The following SLC49A4 variants were observed in gnomAD, a reference collection of about 807,000 sequenced individuals.
SLC49A4 encodes the protein disrupted in renal cancer protein 2.
In SLC49A4, 36 loss-of-function variants were observed where a neutral mutation model predicts 50.6. That is an observed-to-expected ratio of 0.71 (90% CI 0.55 to 0.94). SLC49A4 has a LOEUF of 0.94. Among genes scored for constraint, SLC49A4 ranks in the 40% least tolerant of loss-of-function variants. The probability of loss-of-function intolerance (pLI) is 0.00; values close to 1 mark genes in which losing one functional copy is unlikely to be tolerated. For missense variants in SLC49A4, 503 were observed against 605.7 expected (o/e 0.83, Z 1.78); for synonymous variants, 248 against 241.2 (o/e 1.03, Z -0.26).
chr3:122,795,321 T>A lies in SLC49A4; in HGVS notation c.129T>A (p.Gly43=). The A allele has an allele frequency of 1.3e-6, 2 of 1,507,010 alleles. No individual in the cohort carries two copies. The highest frequency in any genetic ancestry group is 1.8e-6 in the Non-Finnish European group (2 of 1,139,668). 93.4% of individuals were successfully genotyped at this position (1,507,010 alleles called of 1,614,324 possible). The change falls in exon 1 of 9, where the codon GGT becomes GGA. Residue 43 remains glycine, a synonymous_variant. Transcript: ENST00000261038. ...CGGCGCTGCCCGCGGCGGTCCCGGG[T>A]CCCGGGCGGGTATACGGGCGCCGCT... The part of the protein sequence containing the change: ...AAAALPAAVP[G]PGRVYGRRWL...
chr3:122,814,096 C>T (rs965759136), intron 2 of SLC49A4, among the ~76,000 whole-genome samples: 6 of 152,150 alleles, frequency 3.9e-5, no homozygotes, highest in African/African-American at 7.2e-5. Context: ...CATGGTGAAA[C>T]CTCGTCTCTA....
chr3:122,846,409 GT>G (rs1366532823), intron 5 of SLC49A4, among the ~76,000 whole-genome samples: 1 of 150,182 alleles, frequency 6.7e-6, no homozygotes, highest in Non-Finnish European at 1.5e-5. Flanking sequence ...TATTGTATGA[GT>G]AAAAAAAAAA....
At chr3:122,803,583 G>C (rs1236268071) in intron 1 of SLC49A4, among the ~76,000 whole-genome samples, 1 of 152,214 alleles carries the variant, frequency 6.6e-6, no homozygotes, top group Non-Finnish European at 1.5e-5. Context: ...GGGAAAAGGG[G>C]ATCTGCCCCG....
At chr3:122,804,045 G>A (rs1006672692) in intron 1 of SLC49A4, among the ~76,000 whole-genome samples, 2 of 152,122 alleles carry the variant, frequency 1.3e-5, no homozygotes, top group African/African-American at 4.8e-5. Context: ...ACCTGAGGCT[G>A]GGTAATGTGT....
chr3:122,854,898 T>A (rs1179973775), intron 5 of SLC49A4, among the ~76,000 whole-genome samples: 1 of 152,140 alleles, frequency 6.6e-6, no homozygotes, highest in African/African-American at 2.4e-5. Flanking sequence ...AAGACCATCC[T>A]GGCTAACACG....
intron 8 of SLC49A4, among the ~76,000 whole-genome samples, chr3:122,878,576 A>G (rs114861407): frequency 0.018 from 2,803 of 152,318 alleles, 35 homozygotes; most frequent in Non-Finnish European, 0.029. Context: ...GACACATTAA[A>G]TCAAACAACA....
At chr3:122,827,494 T>C (rs144096594) in intron 3 of SLC49A4, among the ~76,000 whole-genome samples, 465 of 152,352 alleles carry the variant, frequency 3.1e-3, no homozygotes, top group Non-Finnish European at 5.0e-3. Context: ...TGTAACCTTA[T>C]TTACCTTGAT....
At chr3:122,857,885 C>T (rs1370315173) in intron 6 of SLC49A4, among the ~76,000 whole-genome samples, 3 of 152,046 alleles carry the variant, frequency 2.0e-5, no homozygotes, top group African/African-American at 4.8e-5. Flanking sequence ...TCATTATTTT[C>T]CTTCTATACC....
chr3:122,801,744 T>G (rs1221551014), intron 1 of SLC49A4, among the ~76,000 whole-genome samples: 1 of 152,140 alleles, frequency 6.6e-6, no homozygotes. Context: ...ACCAGCATAC[T>G]GAAAGGATCA....
intron 2 of SLC49A4, among the ~76,000 whole-genome samples, chr3:122,808,126 C>T (rs1230812484): frequency 6.6e-6 from 1 of 152,008 alleles, no homozygotes; most frequent in Non-Finnish European, 1.5e-5. Context: ...GGGAATATGA[C>T]AGAAGACAAA....
Position 122,820,191 on chromosome 3 carries a change from A to G in SLC49A4, c.438-6609A>G, listed in dbSNP as rs146339073. 1.9e-3 allele frequency among the ~76,000 whole-genome samples: 285 copies of G among 152,310 alleles called. 2 individuals carry two copies. Among genetic ancestry groups the G allele is most frequent in the African/African-American group, 6.1e-3 (252 of 41,582 alleles). On this transcript the variant is annotated intron_variant, in intron 2 of 8. Coordinates refer to ENST00000261038, the MANE Select transcript of SLC49A4 (RefSeq NM_032839.3). ...TTAACAATCAGTAATTTTTTTTATT[A>G]TTAACAGAGAACCTTCAGAATGGGA...
At chr3:122,857,207 A>G (rs1936999759) in intron 6 of SLC49A4, among the ~76,000 whole-genome samples, 1 of 147,478 alleles carries the variant, frequency 6.8e-6, no homozygotes, top group African/African-American at 2.5e-5. Context: ...GTTTCATCAC[A>G]CTCTCTTTGA....
intron 4 of SLC49A4, among the ~76,000 whole-genome samples, chr3:122,836,861 A>G (rs1936694559): frequency 1.3e-5 from 2 of 152,216 alleles, no homozygotes; most frequent in South Asian, 4.1e-4. Flanking sequence ...CGACTTCAGC[A>G]AAGTCTCAGG....
chr3:122,842,432 G>A (rs925613400), intron 4 of SLC49A4, among the ~76,000 whole-genome samples: 15 of 132,450 alleles, frequency 1.1e-4, no homozygotes, highest in East Asian at 2.5e-4. Flanking sequence ...CTTGCAGTGA[G>A]CCGAGATCGC....
intron 2 of SLC49A4, among the ~76,000 whole-genome samples, chr3:122,821,017 T>C (rs535012480): frequency 1.3e-5 from 2 of 152,334 alleles, no homozygotes; most frequent in East Asian, 3.9e-4. Flanking sequence ...ACCCCCATGC[T>C]GCTGTTCTTG....
intron 5 of SLC49A4, among the ~76,000 whole-genome samples, chr3:122,855,727 A>G (rs1331451328): frequency 6.6e-6 from 1 of 152,234 alleles, no homozygotes; most frequent in Non-Finnish European, 1.5e-5. Flanking sequence ...TGATCTGGGT[A>G]CTGTATACAA....
At chr3:122,869,883 A>G (rs533020227) in intron 7 of SLC49A4, among the ~76,000 whole-genome samples, 3 of 152,314 alleles carry the variant, frequency 2.0e-5, no homozygotes, top group East Asian at 3.9e-4. Flanking sequence ...GATGTATCAG[A>G]AGAGACTGGA....
chr3:122,854,072 C>T (rs1357395988), intron 5 of SLC49A4, among the ~76,000 whole-genome samples: 2 of 152,148 alleles, frequency 1.3e-5, no homozygotes, highest in African/African-American at 4.8e-5. Flanking sequence ...AGAGCATGAC[C>T]CCACTCACCT....
At chr3:122,865,392 C>A (rs1404881857) in intron 7 of SLC49A4, among the ~76,000 whole-genome samples, 2 of 152,282 alleles carry the variant, frequency 1.3e-5, no homozygotes, top group East Asian at 3.9e-4. Flanking sequence ...TATGCCTCAT[C>A]CTCTTTTGGA....
Sources: gnomAD v4.1 joint callset for allele counts (sites outside exome capture counted in the v4.1 genomes callset) on GRCh38, gnomAD v4.1.1 for gene constraint, MANE v1.5 for transcripts, NCBI Gene and HGNC (gene_info 2026-07-23, HGNC 2026-07-21) for gene names.